Variants in COL24A1 observed in about 807,000 individuals in gnomAD.
COL24A1 encodes the protein collagen type XXIV alpha 1 chain.
A neutral mutation model predicts 253.9 loss-of-function variants in COL24A1; 224 were observed. The observed-to-expected ratio is 0.88, with a 90% CI of 0.79 to 0.99. COL24A1 has a LOEUF of 0.99. Ranked by LOEUF, COL24A1 falls within the 50% of genes least tolerant of loss-of-function variation. The probability of loss-of-function intolerance (pLI) is 0.00; values close to 1 mark genes in which losing one functional copy is unlikely to be tolerated. For synonymous variants in COL24A1, 685 were observed against 673.7 expected, an observed-to-expected ratio of 1.02 and a Z score of -0.26; for missense variants, 2,131 against 2,068.5, an observed-to-expected ratio of 1.03 and a Z score of -0.59.
intron 37 of COL24A1, among the ~76,000 whole-genome samples, chr1:85,851,810 T>A (rs1380690400): frequency 1.3e-5 from 2 of 152,232 alleles, no homozygotes; most frequent in Non-Finnish European, 2.9e-5. Flanking sequence ...TACATACTTA[T>A]ATTTTGTTCA....
chr1:86,026,641 A>G (rs1698053626), intron 14 of COL24A1, among the ~76,000 whole-genome samples: 1 of 152,322 alleles, frequency 6.6e-6, no homozygotes, highest in East Asian at 1.9e-4. Flanking sequence ...TAAATTACCC[A>G]GTCTCGGATA....
At chr1:86,046,623 A>C (rs1699923821) in intron 12 of COL24A1, among the ~76,000 whole-genome samples, 1 of 152,222 alleles carries the variant, frequency 6.6e-6, no homozygotes, top group Admixed American at 6.5e-5. Flanking sequence ...AGAAGTGTTC[A>C]AAGTTCAGTT....
At chr1:85,868,713 A>G in intron 36 of COL24A1, 69 bp downstream of exon 36, 2 of 1,421,394 alleles carry the variant, frequency 1.4e-6, no homozygotes, top group Non-Finnish European at 1.9e-6. Context: ...CACAAAAACA[A>G]TGATGTCTAA....
Position 85,730,620 on chromosome 1 carries a change from C to T in COL24A1, c.5071G>A (p.Glu1691Lys), listed in dbSNP as rs1432062715. Reference protein sequence around the residue: ...TQEPNQLPVIEVQKLPHLKTE... With the variant: ...TQEPNQLPVIKVQKLPHLKTE... ...TTGAGATGAGGAAGTTTTTGTACTT[C>T]AATCACTGGAAGTTGATTAGGTTCC... Residue 1691 changes from glutamate to lysine, a missense_variant, in exon 60 of 60, where the codon GAA (glutamate) becomes AAA (lysine). Physicochemically the swap from Glu to Lys is moderately conservative, Grantham distance 56. Transcript: ENST00000370571. The T allele has an allele frequency of 2.5e-6, 4 of 1,613,840 alleles. No individual in the cohort carries two copies. Among genetic ancestry groups the T allele is most frequent in the Non-Finnish European group, 3.4e-6 (4 of 1,179,908 alleles).
At chr1:85,771,775 CTTTTTTATTTATTTAT>C in intron 53 of COL24A1, among the ~76,000 whole-genome samples, 1 of 51,852 alleles carries the variant, frequency 1.9e-5, no homozygotes, top group East Asian at 1.2e-3. Flanking sequence ...TGTTGCCTGA[CTTTTTTATTTATTTAT>C]TTATTTATTT....
intron 5 of COL24A1, among the ~76,000 whole-genome samples, chr1:86,101,471 C>G (rs1234621787): frequency 1.3e-5 from 2 of 152,128 alleles, no homozygotes; most frequent in South Asian, 2.1e-4. Flanking sequence ...TGCTGGTTTT[C>G]AAGGGTAATG....
At chr1:86,033,835 T>G in intron 13 of COL24A1, 35 bp downstream of exon 13, 1 of 1,588,096 alleles carries the variant, frequency 6.3e-7, no homozygotes, top group African/African-American at 1.4e-5. Flanking sequence ...TGAATGATGT[T>G]AGAATGCAAG....
At chr1:86,045,868 T>C in intron 12 of COL24A1, 1 of 444,026 alleles carries the variant, frequency 2.3e-6, no homozygotes, top group South Asian at 1.6e-5. Flanking sequence ...AAACAATTCA[T>C]GCCTCTTCTA....
At chr1:86,107,649 C>A (rs1705127593) in intron 5 of COL24A1, among the ~76,000 whole-genome samples, 1 of 151,988 alleles carries the variant, frequency 6.6e-6, no homozygotes, top group Non-Finnish European at 1.5e-5. Context: ...ATTCTCCTGC[C>A]TCAGCCTCCT....
chr1:85,971,215 T>G (rs1692136317), intron 21 of COL24A1, 125 bp downstream of exon 21: 1 of 744,566 alleles, frequency 1.3e-6, no homozygotes, highest in Non-Finnish European at 2.3e-6. Context: ...TCTAAATATA[T>G]AAATAAAATG....
At position 86,115,316 on chromosome 1, in the gene COL24A1, T is replaced by G. The variant is rs1425020323; in HGVS notation, c.1545+9A>C. 1.2e-6 allele frequency: 2 copies of G among 1,613,410 alleles called. No individual in the cohort carries two copies. The highest frequency in any genetic ancestry group is 2.2e-5 in the East Asian group (1 of 44,870). ...CACTGCCAGCAGGAAATATAGCCCA[T>G]CTACTTACCCGTGGACCTCTCTTCC... On this transcript the variant is annotated intron_variant, in intron 4 of 59. Transcript: ENST00000370571.
In COL24A1 at chr1:85,877,142, G is replaced by C. The variant is rs759165044; in HGVS notation, c.3010C>G (p.Pro1004Ala). 2.5e-6 allele frequency: 4 copies of C among 1,606,240 alleles called. No individual in the cohort carries two copies. In the Admixed American group the frequency reaches 5.1e-5, roughly 20 times the overall value. ...TTTACCTCCATGCCCATTTCTCCAG[G>C]AGGTCCAACATCACCTTGCAGTCCT... ...LRGLQGDVGP[P>A]GEMGMEGPPG... The change falls in exon 33 of 60, where the codon CCT (proline) becomes GCT (alanine). Residue 1004 changes from proline to alanine, a missense_variant. Pro to Ala is a conservative substitution (Grantham distance 27). Transcript: ENST00000370571.
At chr1:85,785,386 A>G (rs1669574388) in intron 48 of COL24A1, among the ~76,000 whole-genome samples, 1 of 152,210 alleles carries the variant, frequency 6.6e-6, no homozygotes, top group African/African-American at 2.4e-5. Flanking sequence ...TTTTAGAGAT[A>G]GGTTAATGAA....
intron 20 of COL24A1, 141 bp from the exon 21 acceptor site, chr1:85,971,534 T>C (rs1571421506): frequency 1.5e-6 from 1 of 654,946 alleles, no homozygotes; most frequent in Non-Finnish European, 2.6e-6. Context: ...GGTTGCAGTA[T>C]GGGCAAACAG....
intron 12 of COL24A1, among the ~76,000 whole-genome samples, chr1:86,042,861 T>C (rs1699606783): frequency 6.6e-6 from 1 of 152,158 alleles, no homozygotes; most frequent in Admixed American, 6.5e-5. Context: ...TCCATTTCTG[T>C]GCTATATGTA....
intron 7 of COL24A1, among the ~76,000 whole-genome samples, chr1:86,071,143 G>A (rs1167353080): frequency 6.6e-6 from 1 of 151,912 alleles, no homozygotes; most frequent in African/African-American, 2.4e-5. Context: ...CATGTTTTTT[G>A]GTTTATGCAA....
intron 10 of COL24A1, among the ~76,000 whole-genome samples, chr1:86,052,468 A>G (rs991392915): frequency 6.6e-6 from 1 of 152,156 alleles, no homozygotes; most frequent in Non-Finnish European, 1.5e-5. Flanking sequence ...CGCTAAGTGC[A>G]GTAAGCCAGT....
chr1:85,851,613 C>T (rs192668217), intron 37 of COL24A1, among the ~76,000 whole-genome samples: 4 of 152,140 alleles, frequency 2.6e-5, no homozygotes, highest in African/African-American at 9.6e-5. Context: ...AATGCTTGAT[C>T]GTATGAGACT....
At chr1:86,031,959 G>T (rs777758454) in intron 13 of COL24A1, 37 bp from the exon 14 acceptor site, 2 of 1,525,734 alleles carry the variant, frequency 1.3e-6, no homozygotes, top group South Asian at 1.2e-5. Flanking sequence ...TATTAAATTT[G>T]ATTCCCAACT....
Sources: allele counts gnomAD v4.1 joint callset (sites outside exome capture counted in the v4.1 genomes callset), GRCh38; gene constraint gnomAD v4.1.1; transcripts MANE v1.5; gene names NCBI Gene and HGNC (gene_info 2026-07-23, HGNC 2026-07-21).